The following CD8B variants were observed in gnomAD, a reference collection of about 807,000 sequenced individuals.
CD8B encodes T-cell surface glycoprotein CD8 beta chain.
A neutral mutation model predicts 24.2 loss-of-function variants in CD8B; 6 were observed. The ratio of observed to expected loss-of-function variants is 0.25; its 90% confidence interval spans 0.14 to 0.49. The LOEUF (loss-of-function observed/expected upper bound fraction) is 0.49, where lower values mean the gene tolerates loss of function less well. Among genes scored for constraint, CD8B ranks in the 20% least tolerant of loss-of-function variants. The pLI is 0.98. For synonymous variants in CD8B, 84 were observed against 108.3 expected (o/e 0.78, Z 1.39); for missense variants, 196 against 271.3 (o/e 0.72, Z 1.95).
At chr2:86,855,899 A>G (rs1676214500) in intron 2 of CD8B, among the ~76,000 whole-genome samples, 1 of 152,186 alleles carries the variant, frequency 6.6e-6, no homozygotes, top group African/African-American at 2.4e-5. Flanking sequence ...TCTGTTTTAA[A>G]TTCTTCTTGC....
chr2:86,843,822 G>C (rs1386727978), intron 5 of CD8B, among the ~76,000 whole-genome samples: 6 of 152,164 alleles, frequency 3.9e-5, no homozygotes, highest in Non-Finnish European at 7.3e-5. Flanking sequence ...CGAGAAATCC[G>C]AGACTTGGAG....
chr2:86,817,442 GAC>G (rs1312521755), intron 5 of CD8B, among the ~76,000 whole-genome samples: 1 of 151,956 alleles, frequency 6.6e-6, no homozygotes, highest in Non-Finnish European at 1.5e-5. Context: ...AATAAAATAT[GAC>G]ACAATAAATG....
chr2:86,844,563 A>T (rs935700824), intron 5 of CD8B: 2 of 1,276,040 alleles, frequency 1.6e-6, no homozygotes, highest in Non-Finnish European at 2.1e-6. Flanking sequence ...CTTGAAATAC[A>T]TTTAACTTAC....
Position 86,841,748 on chromosome 2 carries a change from C to T in CD8B, c.*559G>A, listed in dbSNP as rs190552314. On this transcript the variant is annotated 3_prime_UTR_variant, in exon 6 of 6. Transcript: ENST00000390655. ...TGAAGTGAACTCCTATCCTCAAACC[C>T]GCAAGTTCCCGGCCCCAAAGGAAGC... 2.0e-3 allele frequency: 1,934 copies of T among 985,520 alleles called. 2 individuals carry two copies. The highest frequency in any genetic ancestry group is 2.3e-3 in the Non-Finnish European group (1,886 of 830,042). 61.0% of individuals were successfully genotyped at this position (985,520 alleles called of 1,614,324 possible).
chr2:86,856,766 G>A (rs1266485769), intron 2 of CD8B, among the ~76,000 whole-genome samples: 1 of 150,090 alleles, frequency 6.7e-6, no homozygotes, highest in Non-Finnish European at 1.5e-5. Flanking sequence ...AGGTGCTGCT[G>A]AGCACATGAA....
downstream of CD8B, among the ~76,000 whole-genome samples, chr2:86,833,507 C>T (rs1203168790): frequency 2.2e-5 from 3 of 136,524 alleles, no homozygotes; most frequent in Admixed American, 7.2e-5. Context: ...CCCTCCCCTC[C>T]GCTCTCCTCC....
downstream of CD8B, among the ~76,000 whole-genome samples, chr2:86,836,754 C>T (rs760911656): frequency 2.0e-5 from 3 of 152,036 alleles, no homozygotes; most frequent in Non-Finnish European, 2.9e-5. Context: ...CAACAGAGCA[C>T]TGTACACACA....
intron 5 of CD8B, among the ~76,000 whole-genome samples, chr2:86,829,000 G>T (rs1378195449): frequency 6.7e-6 from 1 of 148,728 alleles, no homozygotes; most frequent in East Asian, 2.0e-4. Context: ...TGGAAGTACT[G>T]CACATGCATA....
In CD8B at chr2:86,858,168, G is replaced by T. The variant is rs755618216; in HGVS notation, c.292C>A (p.Arg98=). The T allele has an allele frequency of 3.1e-6, 5 of 1,613,818 alleles. No homozygotes were observed. The African/African-American group carries it at 6.7e-5, about 22-fold the overall frequency. Reference sequence around the variant, plus strand: ...ACGCTTGTGAGATTGAGAATGAACCGGCTTGCATCCCGAAACACAGCTATC... The same window carrying T: ...ACGCTTGTGAGATTGAGAATGAACCTGCTTGCATCCCGAAACACAGCTATC... ...EKIAVFRDAS[R]FILNLTSVKP... is the part of the protein sequence containing the mutation. Residue 98 remains arginine (R), a synonymous_variant, in exon 2 of 6, where the codon CGG becomes AGG. Transcript: ENST00000390655.
At chr2:86,823,519 A>T (rs146772230) in intron 5 of CD8B, among the ~76,000 whole-genome samples, 34 of 152,198 alleles carry the variant, frequency 2.2e-4, no homozygotes, top group African/African-American at 7.7e-4. Flanking sequence ...GGCCCAAGGG[A>T]TCCTCCTACT....
At chr2:86,827,929 T>C (rs1218912040) in intron 5 of CD8B, among the ~76,000 whole-genome samples, 1 of 152,232 alleles carries the variant, frequency 6.6e-6, no homozygotes, top group African/African-American at 2.4e-5. Context: ...GAAGTTGAAC[T>C]GCCTTGGCTC....
rs1005763512 is a variant in CD8B at position 86,838,705 on chromosome 2, T to C, written c.*3602A>G. Among the ~76,000 whole-genome samples, 23 of 152,200 alleles carry C rather than the reference T, an allele frequency of 1.5e-4. No homozygotes were observed. Among genetic ancestry groups the C allele is most frequent in the African/African-American group, 5.5e-4 (23 of 41,448 alleles). On this transcript the variant is annotated 3_prime_UTR_variant, in exon 6 of 6. Transcript: ENST00000390655. ...TTTGTAGAGTCGAGGTCTTGCTATG[T>C]TGCCTAGGCTGCTCTCAAACTCCTG...
chr2:86,857,195 C>T (rs1182025690), intron 2 of CD8B, among the ~76,000 whole-genome samples: 2 of 152,032 alleles, frequency 1.3e-5, no homozygotes, highest in Non-Finnish European at 2.9e-5. Context: ...TTACTAACTT[C>T]GACTCAGGTA....
At chr2:86,818,136 G>A (rs74480425) in intron 5 of CD8B, among the ~76,000 whole-genome samples, 13,740 of 152,066 alleles carry the variant, frequency 0.09, 1,941 homozygotes, top group African/African-American at 0.3. Context: ...CTTGAACTGG[G>A]AGATGGAGGT....
At chr2:86,823,480 A>G (rs573764211) in intron 5 of CD8B, among the ~76,000 whole-genome samples, 35 of 151,956 alleles carry the variant, frequency 2.3e-4, no homozygotes, top group Admixed American at 2.0e-3. Context: ...AGGTCTTACT[A>G]TGTTGCCCAG....
At chr2:86,847,900 G>A (rs1434732979) in intron 3 of CD8B, among the ~76,000 whole-genome samples, 2 of 152,076 alleles carry the variant, frequency 1.3e-5, no homozygotes, top group Non-Finnish European at 2.9e-5. Context: ...TATATAGAGT[G>A]GATTATACTG....
chr2:86,833,635 C>CCTT (rs1558752314), downstream of CD8B, among the ~76,000 whole-genome samples: 3 of 72,284 alleles, frequency 4.2e-5, no homozygotes, highest in Non-Finnish European at 1.1e-4. Context: ...CTCCCTCCCT[C>CCTT]CCTCCCTTCC....
chr2:86,827,683 C>G (rs558343481), intron 5 of CD8B, among the ~76,000 whole-genome samples: 2 of 151,336 alleles, frequency 1.3e-5, no homozygotes, highest in Non-Finnish European at 2.9e-5. Context: ...AAAGGGTGTT[C>G]ACGTTTTATT....
intron 3 of CD8B, among the ~76,000 whole-genome samples, chr2:86,849,612 G>A (rs890847938): frequency 6.6e-6 from 1 of 152,116 alleles, no homozygotes; most frequent in Middle Eastern, 3.4e-3. Context: ...GGTAACGGTC[G>A]CCCAACTTGG....
Sources: gnomAD v4.1 joint callset for allele counts (sites outside exome capture counted in the v4.1 genomes callset) on GRCh38, gnomAD v4.1.1 for gene constraint, MANE v1.5 for transcripts, NCBI Gene and HGNC (gene_info 2026-07-23, HGNC 2026-07-21) for gene names.